The following NEIL3 variants were observed in gnomAD, a reference collection of about 807,000 sequenced individuals.
NEIL3 encodes the protein endonuclease 8-like 3.
NEIL3 carries 48 observed loss-of-function variants against 57.5 expected under a neutral mutation model. The ratio of observed to expected loss-of-function variants is 0.83; its 90% confidence interval spans 0.66 to 1.06. NEIL3 has a LOEUF of 1.06. NEIL3 is among the 50% of genes least tolerant of loss of function. NEIL3 has a pLI of 0.00. For missense variants in NEIL3, 717 were observed against 739.1 expected (o/e 0.97, Z 0.35); for synonymous variants, 261 against 253.2 (o/e 1.03, Z -0.29).
At chr4:177,313,679 A>T (rs573747440) in intron 1 of NEIL3, among the ~76,000 whole-genome samples, 1 of 152,318 alleles carries the variant, frequency 6.6e-6, no homozygotes, top group South Asian at 2.1e-4. Context: ...GATATGAAAC[A>T]GTTTATAAGC....
chr4:177,311,570 A>G (rs1734475254), intron 1 of NEIL3, among the ~76,000 whole-genome samples: 2 of 150,588 alleles, frequency 1.3e-5, no homozygotes, highest in African/African-American at 2.4e-5. Context: ...GCTACTCAGG[A>G]GGCTGAGGCA....
At chr4:177,345,110 C>T (rs1479755597) in intron 6 of NEIL3, among the ~76,000 whole-genome samples, 8 of 151,988 alleles carry the variant, frequency 5.3e-5, no homozygotes, top group South Asian at 2.1e-4. Context: ...GATAAAGCAC[C>T]GTGATGGAAG....
At chr4:177,310,297 A>G (rs1413145581) in intron 1 of NEIL3, among the ~76,000 whole-genome samples, 188 bp downstream of exon 1, 2 of 152,142 alleles carry the variant, frequency 1.3e-5, no homozygotes, top group African/African-American at 4.8e-5. Context: ...TGCGCAGGAG[A>G]GGAGGGCTAG....
the NEIL3 span, among the ~76,000 whole-genome samples, chr4:177,370,463 G>A: frequency 2.0e-5 from 3 of 152,090 alleles, no homozygotes; most frequent in Admixed American, 1.3e-4. Flanking sequence ...AAATCTATTC[G>A]AGAAGGGGTA....
chr4:177,341,694 A>G (rs1735096382), intron 6 of NEIL3, 52 bp downstream of exon 6: 1 of 1,466,252 alleles, frequency 6.8e-7, no homozygotes, highest in Non-Finnish European at 9.4e-7. Flanking sequence ...TCTAACTAAA[A>G]GGCTAATAAT....
At chr4:177,367,326 C>T (rs1735704633), downstream of NEIL3, among the ~76,000 whole-genome samples, 1 of 152,108 alleles carries the variant, frequency 6.6e-6, no homozygotes, top group Non-Finnish European at 1.5e-5. Flanking sequence ...TAGGTTCTGG[C>T]CTGCACTGTA....
rs1197397270 is a variant in NEIL3, at chr4:177,341,795, T to C, written c.869+153T>C. Among the ~76,000 whole-genome samples, 3 of 152,254 alleles carry C rather than the reference T, an allele frequency of 2.0e-5. No homozygotes were observed. The East Asian group carries it at 5.8e-4, about 29-fold the overall frequency. On this transcript the variant is annotated intron_variant, in intron 6 of 9. Transcript: ENST00000264596. Reference sequence around the variant, plus strand: ...CCTTGAAAGGAAATAGTAAATAATGTCACCAAAGAACCTGAGGGAGCCAAA... The same window carrying C: ...CCTTGAAAGGAAATAGTAAATAATGCCACCAAAGAACCTGAGGGAGCCAAA...
In NEIL3 at chr4:177,309,978, C is replaced by T. The variant is rs1734443370; in HGVS notation, c.25C>T (p.Leu9=). Residue 9 remains leucine (L), a synonymous_variant, in exon 1 of 10, where the codon CTG becomes TTG. Transcript: ENST00000264596. MVEGPGCT[L]NGEKIRARVL... ...GATGGTGGAAGGACCAGGCTGTACT[C>T]TGAATGGAGAGAAGATTCGCGCGCG... 2.5e-6 allele frequency: 4 copies of T among 1,610,342 alleles called. No individual in the cohort carries two copies. The African/African-American group carries it at 4.0e-5, about 16-fold the overall frequency.
intron 6 of NEIL3, chr4:177,343,799 ATTTTT>A (rs11351827): frequency 1.3e-5 from 2 of 150,748 alleles, no homozygotes; most frequent in African/African-American, 4.9e-5. Flanking sequence ...AACATTCATA[ATTTTT>A]TTTTATGAAC....
chr4:177,342,531 A>G (rs1272424732), intron 6 of NEIL3, among the ~76,000 whole-genome samples: 1 of 152,214 alleles, frequency 6.6e-6, no homozygotes, highest in Non-Finnish European at 1.5e-5. Flanking sequence ...AGCACAAAAA[A>G]TGCTGCATGG....
intron 1 of NEIL3, among the ~76,000 whole-genome samples, chr4:177,322,079 A>G (rs964767112): frequency 6.6e-6 from 1 of 152,198 alleles, no homozygotes; most frequent in South Asian, 2.1e-4. Context: ...CCACTCTTTC[A>G]GGGAACTTGG....
At chr4:177,322,327 G>A in intron 1 of NEIL3, 132 bp from the exon 2 acceptor site, 1 of 1,203,816 alleles carries the variant, frequency 8.3e-7, no homozygotes, top group Non-Finnish European at 1.2e-6. Context: ...TACATGACTT[G>A]TTGGAGATTA....
At chr4:177,310,146 G>C (rs750095592) in intron 1 of NEIL3, 37 bp downstream of exon 1, 25 of 1,506,264 alleles carry the variant, frequency 1.7e-5, no homozygotes, top group Admixed American at 1.1e-4. Context: ...CAGTCAGCAG[G>C]GGGGAAATGG....
chr4:177,326,880 G>C (rs1252560231), intron 2 of NEIL3, among the ~76,000 whole-genome samples: 2 of 151,948 alleles, frequency 1.3e-5, no homozygotes, highest in African/African-American at 4.8e-5. Flanking sequence ...TGTGTATATT[G>C]ACCTTGTATC....
In NEIL3 at chr4:177,348,858, A is replaced by ATTTTTTTTTTTTT. The variant is rs749391559; in HGVS notation, c.870-2507_870-2495dup. On this transcript the variant is annotated intron_variant, in intron 6 of 9. Transcript: ENST00000264596. ...AGAATTGCAGATTGGTGGCTCATGA[A>ATTTTTTTTTTTTT]TTTTTTTTTTTTTTTTTTTTTTTTT... 7.6e-4 allele frequency among the ~76,000 whole-genome samples: 56 copies of ATTTTTTTTTTTTT among 73,738 alleles called. 7 individuals are homozygous for ATTTTTTTTTTTTT. The highest frequency in any genetic ancestry group is 2.7e-3 in the African/African-American group (44 of 16,568). 48.4% of individuals were successfully genotyped at this position (73,738 alleles called of 152,430 possible). A position where few individuals can be genotyped will look rare whatever the true frequency, so the allele number is the denominator to read the frequency against.
At chr4:177,366,757 C>T (rs902155723), downstream of NEIL3, among the ~76,000 whole-genome samples, 1 of 152,244 alleles carries the variant, frequency 6.6e-6, no homozygotes. Context: ...GTGATACAAA[C>T]GTTAGATTAT....
intron 1 of NEIL3, among the ~76,000 whole-genome samples, chr4:177,310,727 A>C (rs778906613): frequency 3.5e-4 from 53 of 152,232 alleles, no homozygotes; most frequent in Admixed American, 1.3e-4. Context: ...CATTCATTGC[A>C]GACGATGTGG....
At chr4:177,363,848 T>C (rs1735655142), downstream of NEIL3, among the ~76,000 whole-genome samples, 1 of 152,156 alleles carries the variant, frequency 6.6e-6, no homozygotes, top group Non-Finnish European at 1.5e-5. Context: ...CCTGTCGGAC[T>C]CAAGCGATCC....
At chr4:177,348,856 G>T (rs1735285755) in intron 6 of NEIL3, among the ~76,000 whole-genome samples, 2 of 84,128 alleles carry the variant, frequency 2.4e-5, no homozygotes, top group Non-Finnish European at 2.4e-5. Context: ...GGTGGCTCAT[G>T]AATTTTTTTT....
Sources: allele counts gnomAD v4.1 joint callset (sites outside exome capture counted in the v4.1 genomes callset), GRCh38; gene constraint gnomAD v4.1.1; transcripts MANE v1.5; gene names NCBI Gene and HGNC (gene_info 2026-07-23, HGNC 2026-07-21).